ADGRB3: variants seen among roughly 807,000 people sequenced by gnomAD.
ADGRB3 encodes adhesion G protein-coupled receptor B3, also known as brain-specific angiogenesis inhibitor 3.
ADGRB3 carries 37 observed loss-of-function variants against 193.4 expected under a neutral mutation model. That is an observed-to-expected ratio of 0.19 (90% CI 0.15 to 0.25). The LOEUF (loss-of-function observed/expected upper bound fraction) is 0.25, where lower values mean the gene tolerates loss of function less well. Ranked by LOEUF, ADGRB3 falls within the 10% of genes least tolerant of loss-of-function variation. The probability of loss-of-function intolerance (pLI) is 1.00; values close to 1 mark genes in which losing one functional copy is unlikely to be tolerated. For synonymous variants in ADGRB3, 690 were observed against 644.2 expected (o/e 1.07, Z -1.08); for missense variants, 1,637 against 1,852.9 (o/e 0.88, Z 2.14).
chr6:68,758,846 T>A (rs1766344164), intron 3 of ADGRB3, among the ~76,000 whole-genome samples: 1 of 152,152 alleles, frequency 6.6e-6, no homozygotes, highest in Admixed American at 6.6e-5. Flanking sequence ...CTTCTCCCAA[T>A]CCTAAAAACT....
At chr6:69,169,523 A>T (rs1046986443) in intron 17 of ADGRB3, among the ~76,000 whole-genome samples, 2 of 149,856 alleles carry the variant, frequency 1.3e-5, no homozygotes, top group Non-Finnish European at 3.0e-5. Flanking sequence ...TTATATAATT[A>T]TCATAATTAA....
At chr6:68,854,855 G>T (rs1279376765) in intron 3 of ADGRB3, among the ~76,000 whole-genome samples, 1 of 152,136 alleles carries the variant, frequency 6.6e-6, no homozygotes, top group Non-Finnish European at 1.5e-5. Context: ...GCAGACTTCA[G>T]AGTCTCTCCC....
At chr6:68,755,263 T>C (rs1434370116) in intron 3 of ADGRB3, among the ~76,000 whole-genome samples, 2 of 152,114 alleles carry the variant, frequency 1.3e-5, no homozygotes, top group Non-Finnish European at 2.9e-5. Context: ...GCTAGGCAAG[T>C]AAAACAGCAA....
intron 10 of ADGRB3, among the ~76,000 whole-genome samples, chr6:68,987,921 A>G (rs1469143408): frequency 2.0e-5 from 3 of 152,000 alleles, no homozygotes; most frequent in Admixed American, 6.6e-5. Flanking sequence ...TTGCCTACTT[A>G]TATTAATTGG....
chr6:68,774,024 TAC>T (rs1766690391), intron 3 of ADGRB3, among the ~76,000 whole-genome samples: 1 of 152,076 alleles, frequency 6.6e-6, no homozygotes, highest in Admixed American at 6.6e-5. Flanking sequence ...ACATCTAAAT[TAC>T]ACACAAACAT....
chr6:69,316,732 G>A (rs572270142), intron 20 of ADGRB3, among the ~76,000 whole-genome samples: 3 of 151,428 alleles, frequency 2.0e-5, no homozygotes, highest in Non-Finnish European at 3.0e-5. Flanking sequence ...GATGCTAGAC[G>A]GCAAGAAGAA....
chr6:69,097,773 T>G (rs191688205), intron 17 of ADGRB3, among the ~76,000 whole-genome samples: 69 of 152,284 alleles, frequency 4.5e-4, no homozygotes, highest in African/African-American at 1.6e-3. Context: ...TCAAACACTT[T>G]GGAAGTGATT....
At chr6:68,912,813 A>G (rs1766755509) in intron 3 of ADGRB3, among the ~76,000 whole-genome samples, 1 of 152,230 alleles carries the variant, frequency 6.6e-6, no homozygotes, top group South Asian at 2.1e-4. Context: ...CTAGTCAAAG[A>G]AAGGGGTGAC....
At chr6:69,159,094 C>T (rs565044743) in intron 17 of ADGRB3, among the ~76,000 whole-genome samples, 201 of 152,112 alleles carry the variant, frequency 1.3e-3, no homozygotes, top group Non-Finnish European at 1.5e-3. Context: ...TCTAAATGTC[C>T]TTTGGCTTCT....
chr6:69,074,759 A>G (rs545067361), intron 16 of ADGRB3, among the ~76,000 whole-genome samples: 2 of 151,898 alleles, frequency 1.3e-5, no homozygotes, highest in Non-Finnish European at 1.5e-5. Context: ...GTTAGCCAGG[A>G]TGGTCTCAAT....
intron 17 of ADGRB3, among the ~76,000 whole-genome samples, chr6:69,133,653 G>A (rs1774073179): frequency 6.7e-6 from 1 of 148,442 alleles, no homozygotes; most frequent in Non-Finnish European, 1.5e-5. Flanking sequence ...AAACCCGGCA[G>A]AGACACAACA....
At chr6:68,670,467 G>C (rs1171506652) in intron 3 of ADGRB3, among the ~76,000 whole-genome samples, 1 of 151,944 alleles carries the variant, frequency 6.6e-6, no homozygotes, top group Admixed American at 6.6e-5. Flanking sequence ...CAGGGATCTA[G>C]TGTTGTTGTT....
chr6:69,062,061 G>A (rs1312901476), intron 15 of ADGRB3, among the ~76,000 whole-genome samples: 1 of 151,950 alleles, frequency 6.6e-6, no homozygotes, highest in Non-Finnish European at 1.5e-5. Context: ...CGATGGAAGA[G>A]CATGTGGTTT....
intron 3 of ADGRB3, among the ~76,000 whole-genome samples, chr6:68,821,306 G>A (rs1419560321): frequency 6.6e-6 from 1 of 151,850 alleles, no homozygotes; most frequent in Non-Finnish European, 1.5e-5. Context: ...ACAGCAAAAA[G>A]TCAGGGATTT....
intron 11 of ADGRB3, among the ~76,000 whole-genome samples, chr6:69,009,938 T>C (rs970563494): frequency 2.6e-5 from 4 of 152,134 alleles, no homozygotes; most frequent in African/African-American, 9.7e-5. Flanking sequence ...TAAAAAATTG[T>C]ATATAATCCA....
At chr6:69,209,776 C>T (rs1433987107) in intron 17 of ADGRB3, among the ~76,000 whole-genome samples, 2 of 152,166 alleles carry the variant, frequency 1.3e-5, no homozygotes, top group African/African-American at 4.8e-5. Context: ...TTCTTTGGTT[C>T]TCCACATATG....
At chr6:69,349,470 T>G (rs1219438201) in intron 26 of ADGRB3, among the ~76,000 whole-genome samples, 1 of 141,212 alleles carries the variant, frequency 7.1e-6, no homozygotes, top group African/African-American at 2.5e-5. Context: ...ACTTTTTGTT[T>G]ATTGACTTTG....
At chr6:68,722,275 T>C (rs758536703) in intron 3 of ADGRB3, among the ~76,000 whole-genome samples, 4 of 151,476 alleles carry the variant, frequency 2.6e-5, no homozygotes, top group Non-Finnish European at 4.4e-5. Flanking sequence ...AATTGAACAA[T>C]GAGAACACAT....
intron 3 of ADGRB3, among the ~76,000 whole-genome samples, chr6:68,696,655 A>C (rs1257369476): frequency 6.6e-6 from 1 of 151,874 alleles, no homozygotes; most frequent in Non-Finnish European, 1.5e-5. Context: ...AATTTTTTCT[A>C]ATGATTACCA....
Sources: gnomAD v4.1 joint callset for allele counts (sites outside exome capture counted in the v4.1 genomes callset) on GRCh38, gnomAD v4.1.1 for gene constraint, MANE v1.5 for transcripts, NCBI Gene and HGNC (gene_info 2026-07-23, HGNC 2026-07-21) for gene names.